SPTLC1: variants seen among roughly 807,000 people sequenced by gnomAD.
SPTLC1 encodes the protein serine palmitoyltransferase long chain base subunit 1.
In SPTLC1, 55 loss-of-function variants were observed where a neutral mutation model predicts 68.9. That is an observed-to-expected ratio of 0.80 (90% CI 0.64 to 1.00). The LOEUF is 1.00. SPTLC1 is among the 50% of genes least tolerant of loss of function. The pLI is 0.00. For missense variants in SPTLC1, 449 were observed against 573.1 expected (o/e 0.78, Z 2.21); for synonymous variants, 197 against 201.6 (o/e 0.98, Z 0.19).
chr9:92,083,679 C>T (rs200613493), intron 3 of SPTLC1, among the ~76,000 whole-genome samples: 1 of 151,942 alleles, frequency 6.6e-6, no homozygotes, highest in East Asian at 1.9e-4. Flanking sequence ...TAGCATGATG[C>T]CTCCAGCTTT....
intron 6 of SPTLC1, among the ~76,000 whole-genome samples, chr9:92,059,518 A>C (rs1035244210): frequency 2.0e-5 from 3 of 152,240 alleles, no homozygotes; most frequent in Non-Finnish European, 4.4e-5. Context: ...CTATTCCAAG[A>C]AGCACACTCT....
intron 14 of SPTLC1, among the ~76,000 whole-genome samples, chr9:92,032,773 G>A (rs1278863994): frequency 6.6e-6 from 1 of 151,944 alleles, no homozygotes; most frequent in South Asian, 2.1e-4. Flanking sequence ...CTACTTGGGA[G>A]GCTGAGGCAG....
intron 3 of SPTLC1, among the ~76,000 whole-genome samples, chr9:92,097,669 AG>A (rs1835580129): frequency 6.6e-6 from 1 of 152,232 alleles, no homozygotes; most frequent in South Asian, 2.1e-4. Flanking sequence ...GGGCAGAGGA[AG>A]GAGTGGGAAG....
chr9:92,115,399 T>G lies in SPTLC1; in HGVS notation c.-29A>C, dbSNP rs201897322. ...TAGCCGCTTCCTTCCGGAAGGCGGG[T>G]CACAAGCGCGTCCCAAAAGTGCGCG... On this transcript the variant is annotated 5_prime_UTR_variant, in exon 1 of 15. Transcript: ENST00000262554. 2.5e-6 allele frequency: 4 copies of G among 1,611,736 alleles called. No homozygotes were observed. Among genetic ancestry groups the G allele is most frequent in the Non-Finnish European group, 3.4e-6 (4 of 1,178,730 alleles).
intron 6 of SPTLC1, among the ~76,000 whole-genome samples, chr9:92,064,293 CATT>C (rs1337310770): frequency 6.6e-6 from 1 of 152,066 alleles, no homozygotes; most frequent in Non-Finnish European, 1.5e-5. Flanking sequence ...TCTCAAAACT[CATT>C]AGTATAAAAA....
intron 6 of SPTLC1, among the ~76,000 whole-genome samples, chr9:92,066,854 C>T (rs1410349248): frequency 1.3e-5 from 2 of 151,460 alleles, no homozygotes. Flanking sequence ...GTGGTGGGTG[C>T]CTGTGGTCCT....
chr9:92,108,717 T>G (rs1473546569), intron 3 of SPTLC1, 23 bp downstream of exon 3: 2 of 1,586,794 alleles, frequency 1.3e-6, no homozygotes, highest in South Asian at 2.2e-5. Context: ...ATACAAGTAC[T>G]TCAGGTAGCA....
intron 6 of SPTLC1, among the ~76,000 whole-genome samples, chr9:92,061,973 C>T (rs1235064456): frequency 1.3e-5 from 2 of 152,076 alleles, no homozygotes; most frequent in African/African-American, 4.8e-5. Context: ...TTTGTTTTAA[C>T]AGACTTAAAC....
intron 1 of SPTLC1, among the ~76,000 whole-genome samples, chr9:92,114,389 A>T (rs1018518780): frequency 1.4e-4 from 21 of 152,234 alleles, no homozygotes; most frequent in African/African-American, 4.8e-4. Context: ...GTTTCTTATT[A>T]TCTTATGTAT....
At chr9:92,077,401 C>T (rs77523818) in intron 5 of SPTLC1, among the ~76,000 whole-genome samples, 2,051 of 152,176 alleles carry the variant, frequency 0.013, 58 homozygotes, top group African/African-American at 0.046. Flanking sequence ...TCTAGAACCT[C>T]GGTGGACAGG....
rs745563960 is a variant in SPTLC1 at position 92,032,321 on chromosome 9, T to C, written c.*144A>G. On this transcript the variant is annotated 3_prime_UTR_variant, in exon 15 of 15. Transcript: ENST00000262554. The stretch of plus-strand genomic sequence containing the variant: ...AAGCATCCTTCTCATGGTCACACAA[T>C]TGGTCCATACTGACACCATTTGGTA... The C allele has an allele frequency of 4.5e-6, 7 of 1,548,380 alleles. No homozygotes were observed. The highest frequency in any genetic ancestry group is 1.9e-5 in the Admixed American group (1 of 51,470).
At chr9:92,059,064 T>G in intron 7 of SPTLC1, 115 bp downstream of exon 7, 1 of 1,253,588 alleles carries the variant, frequency 8.0e-7, no homozygotes, top group Middle Eastern at 2.7e-4. Flanking sequence ...AGGAACACCT[T>G]AATATCCAAA....
chr9:92,088,580 G>A (rs1424490826), intron 3 of SPTLC1, among the ~76,000 whole-genome samples: 3 of 152,214 alleles, frequency 2.0e-5, no homozygotes, highest in South Asian at 4.2e-4. Flanking sequence ...AACAAATACC[G>A]AGATAGACCA....
intron 3 of SPTLC1, among the ~76,000 whole-genome samples, chr9:92,089,265 A>T (rs61000917): frequency 0.11 from 16,595 of 152,014 alleles, 1,967 homozygotes; most frequent in African/African-American, 0.3. Flanking sequence ...ACAAAAAAAT[A>T]AGCTAGGCAT....
chr9:92,088,868 C>T (rs7868512), intron 3 of SPTLC1, among the ~76,000 whole-genome samples: 206 of 152,216 alleles, frequency 1.4e-3, no homozygotes, highest in African/African-American at 4.7e-3. Flanking sequence ...AATCCTGGAA[C>T]CTAAAATCTT....
At chr9:92,084,625 C>T (rs1233020547) in intron 3 of SPTLC1, among the ~76,000 whole-genome samples, 1 of 151,980 alleles carries the variant, frequency 6.6e-6, no homozygotes, top group South Asian at 2.1e-4. Flanking sequence ...TTTTGATGTG[C>T]TGCTGGATTC....
At chr9:92,088,067 C>T (rs1389433626) in intron 3 of SPTLC1, among the ~76,000 whole-genome samples, 1 of 152,254 alleles carries the variant, frequency 6.6e-6, no homozygotes, top group East Asian at 1.9e-4. Flanking sequence ...GGGATATAAT[C>T]TCCTGGTGGG....
intron 8 of SPTLC1, among the ~76,000 whole-genome samples, chr9:92,054,732 GTGAAACCCCGTCT>G (rs1325359659): frequency 2.0e-5 from 3 of 152,158 alleles, no homozygotes; most frequent in African/African-American, 7.2e-5. Context: ...AGCCGACATG[GTGAAACCCCGTCT>G]CTACTAAAAA....
Position 92,115,367 on chromosome 9 carries a change from C to G in SPTLC1, c.4G>C (p.Ala2Pro). The part of the protein sequence containing the change: M[A>P]TATEQWVLVE... ...AGAACCCACTGCTCCGTGGCGGTCG[C>G]CATAGTTAGCCGCTTCCTTCCGGAA... is the stretch of plus-strand genomic sequence containing the variant. Residue 2 changes from alanine to proline, a missense_variant, in exon 1 of 15, where the codon GCG becomes CCG. By Grantham distance (27) the Ala-to-Pro change is conservative. This residue lies in a region of SPTLC1 where 46 missense variants were observed against 57.8 expected (regional missense o/e 0.80). Coordinates refer to ENST00000262554, the MANE Select transcript of SPTLC1 (RefSeq NM_006415.4). The G allele has an allele frequency of 6.2e-7, 1 of 1,613,194 alleles. No homozygotes were observed. The highest frequency in any genetic ancestry group is 8.5e-7 in the Non-Finnish European group (1 of 1,179,974).
Sources: allele counts gnomAD v4.1 joint callset (sites outside exome capture counted in the v4.1 genomes callset), GRCh38; gene constraint gnomAD v4.1.1; regional missense constraint gnomAD v4.1.1; transcripts MANE v1.5; gene names NCBI Gene and HGNC (gene_info 2026-07-23, HGNC 2026-07-21).